Variants in IQCC observed in about 807,000 individuals in gnomAD.
IQCC encodes the protein IQ domain-containing protein C.
In IQCC, 23 loss-of-function variants were observed where a neutral mutation model predicts 27.0. The observed-to-expected ratio is 0.85, with a 90% CI of 0.61 to 1.21. The LOEUF is 1.21. Ranked by LOEUF, IQCC falls within the 50% of genes most tolerant of loss-of-function variation. The pLI is 0.00. For synonymous variants in IQCC, 220 were observed against 217.2 expected, an observed-to-expected ratio of 1.01 and a Z score of -0.11; for missense variants, 552 against 562.3, an observed-to-expected ratio of 0.98 and a Z score of 0.19.
At position 32,207,756 on chromosome 1, in the gene IQCC, C is replaced by G; in HGVS notation, c.1075C>G (p.Leu359Val). 1 of 1,613,964 alleles carries G rather than the reference C, an allele frequency of 6.2e-7. No individual in the cohort carries two copies. The highest frequency in any genetic ancestry group is 2.2e-5 in the East Asian group (1 of 44,886). Reference sequence around the variant, plus strand: ...TATTAAGGAGATGTCTCCCAGAAAACTAGACCACAAAGAGCCTGACTGCCG... The same window carrying G: ...TATTAAGGAGATGTCTCCCAGAAAAGTAGACCACAAAGAGCCTGACTGCCG... Reference protein sequence around the residue: ...SNIKEMSPRKLDHKEPDCRTV... With the variant: ...SNIKEMSPRKVDHKEPDCRTV... The change falls in exon 5 of 5, where the codon CTA becomes GTA. Residue 359 changes from leucine (L) to valine (V), a missense_variant. By Grantham distance (32) the Leu-to-Val change is conservative (BLOSUM62 1). Transcript: ENST00000291358.
In IQCC at chr1:32,205,963, G is replaced by C. The variant is rs116496201; in HGVS notation, c.43-191G>C. On this transcript the variant is annotated intron_variant, in intron 1 of 4. Coordinates refer to ENST00000291358, the MANE Select transcript of IQCC (RefSeq NM_018134.3). The surrounding 1 kb of genome is among the most constrained non-coding windows in gnomAD (Gnocchi z 5.6). ...ATCAGGGAAACGGGAAGAGCCTTAA[G>C]GCGAGGAGGGGCATCCAGTCTGGCA... The C allele has an allele frequency of 3.3e-3, 5,124 of 1,554,058 alleles. 166 individuals are homozygous for C. In the African/African-American group the frequency reaches 0.062, roughly 19 times the overall value.
chr1:32,206,131 T>C (rs774223770), intron 1 of IQCC, 23 bp from the exon 2 acceptor site: 30 of 1,613,988 alleles, frequency 1.9e-5, no homozygotes, highest in African/African-American at 4.0e-5. Context: ...AAGGGACTTC[T>C]TTCCTCTCGT....
Position 32,207,132 on chromosome 1 carries a change from C to G in IQCC, c.558+12C>G. The G allele has an allele frequency of 1.3e-6, 2 of 1,599,572 alleles. No homozygotes were observed. Among genetic ancestry groups the G allele is most frequent in the Non-Finnish European group, 1.7e-6 (2 of 1,170,504 alleles). On this transcript the variant is annotated intron_variant, in intron 4 of 4. Transcript: ENST00000291358. Reference sequence around the variant, plus strand: ...ATAGCCGTAAGGAGGTAACACTAACCTGGAACTCTTTCTGAACATTTAGGG... The same window carrying G: ...ATAGCCGTAAGGAGGTAACACTAACGTGGAACTCTTTCTGAACATTTAGGG...
rs1643354802 is a variant in IQCC, at chr1:32,206,763, T to C, written c.439+2T>C. ...ACACGACAAGGATGGAGAATCCAGG[T>C]ACCTCTCTGCAAAGATCAGGGCAAG... On this transcript the variant is annotated splice_donor_variant, in intron 3 of 4. Coordinates refer to ENST00000291358, the MANE Select transcript of IQCC (RefSeq NM_018134.3). LOFTEE classifies it high-confidence loss of function. 1.2e-6 allele frequency: 2 copies of C among 1,613,766 alleles called. No individual in the cohort carries two copies. The highest frequency in any genetic ancestry group is 1.1e-5 in the South Asian group (1 of 91,052).
rs1220954983 is a variant in IQCC, at chr1:32,208,096, A to G, written c.*14A>G. The stretch of plus-strand genomic sequence containing the variant: ...CCACCTGGCTAGACCCTAGGAAGCC[A>G]GGAGAGGATCAGGTTCCAAAGGGGA... On this transcript the variant is annotated 3_prime_UTR_variant, in exon 5 of 5. Transcript: ENST00000291358. 6.3e-7 allele frequency: 1 copy of G among 1,582,740 alleles called. No homozygotes were observed.
rs1321585899 is a variant in IQCC, at chr1:32,208,217, C to T, written c.*135C>T. The T allele has an allele frequency of 2.2e-6, 2 of 912,124 alleles. No homozygotes were observed. Among genetic ancestry groups the T allele is most frequent in the Non-Finnish European group, 1.6e-6 (1 of 612,870 alleles). 56.5% of individuals were successfully genotyped at this position (912,124 alleles called of 1,614,324 possible). ...CCTGGCCATTGGTGACTAGTGGGGC[C>T]AAGAGAAGCTGGAGCAGAGAGCTGG... On this transcript the variant is annotated 3_prime_UTR_variant, in exon 5 of 5. Coordinates refer to ENST00000291358, the MANE Select transcript of IQCC (RefSeq NM_018134.3).
rs777408088 is a variant in IQCC at position 32,207,470 on chromosome 1, T to C, written c.789T>C (p.Thr263=). ...ACAGATCCCCAGGAAGTTTGGCCAC[T>C]ACACAAAAAAACATTGCTGGGGCTA... is the stretch of plus-strand genomic sequence containing the variant. ...SPHRSPGSLA[T]TQKNIAGAKC... Residue 263 remains threonine (T), a synonymous_variant, in exon 5 of 5, where the codon ACT becomes ACC. Transcript: ENST00000291358. The C allele has an allele frequency of 3.7e-6, 6 of 1,613,386 alleles. No individual in the cohort carries two copies. Among genetic ancestry groups the C allele is most frequent in the Non-Finnish European group, 5.1e-6 (6 of 1,179,790 alleles).
rs769530176 is a variant in IQCC at position 32,207,296 on chromosome 1, A to G, written c.615A>G (p.Glu205=). The G allele has an allele frequency of 6.2e-7, 1 of 1,613,486 alleles. No homozygotes were observed. Among genetic ancestry groups the G allele is most frequent in the African/African-American group, 1.3e-5 (1 of 74,834 alleles). ...RSPEAGPIRE[E]PRVFLEHGEQ... Reference sequence around the variant, plus strand: ...CAGAGGCGGGCCCGATCAGAGAGGAACCCCGCGTGTTCCTAGAACATGGGG... The same window carrying G: ...CAGAGGCGGGCCCGATCAGAGAGGAGCCCCGCGTGTTCCTAGAACATGGGG... Residue 205 remains glutamate, a synonymous_variant, in exon 5 of 5, where the codon GAA becomes GAG. Coordinates refer to ENST00000291358, the MANE Select transcript of IQCC (RefSeq NM_018134.3).
chr1:32,207,835 G>C lies in IQCC; in HGVS notation c.1154G>C (p.Gly385Ala). ...TCAGAGGACCACATCATCTGGGATG[G>C]TACCTTGGGGGGGCCAGAGCATAGT... is the stretch of plus-strand genomic sequence containing the variant. ...GLSEDHIIWDGTLGGPEHSVL... is the reference protein window; with the variant it reads ...GLSEDHIIWDATLGGPEHSVL... Residue 385 changes from glycine to alanine, a missense_variant, in exon 5 of 5, where the codon GGT becomes GCT. Physicochemically the swap from Gly to Ala is moderately conservative, Grantham distance 60. Coordinates refer to ENST00000291358, the MANE Select transcript of IQCC (RefSeq NM_018134.3). 6.2e-7 allele frequency: 1 copy of C among 1,614,106 alleles called. No homozygotes were observed. Among genetic ancestry groups the C allele is most frequent in the South Asian group, 1.1e-5 (1 of 91,080 alleles).
Position 32,206,673 on chromosome 1 carries a change from C to T in IQCC, c.351C>T (p.Cys117=). 1 of 1,614,182 alleles carries T rather than the reference C, an allele frequency of 6.2e-7. No individual in the cohort carries two copies. The highest frequency in any genetic ancestry group is 8.5e-7 in the Non-Finnish European group (1 of 1,180,018). ...GESSANQGSL[C]RDHSSWLQMK... Reference sequence around the variant, plus strand: ...GCTCAGCAAATCAAGGAAGCCTCTGCAGAGATCACAGCTCCTGGCTTCAGA... The same window carrying T: ...GCTCAGCAAATCAAGGAAGCCTCTGTAGAGATCACAGCTCCTGGCTTCAGA... The change falls in exon 3 of 5, where the codon TGC becomes TGT. Residue 117 remains cysteine, a synonymous_variant. Transcript: ENST00000291358.
At position 32,207,546 on chromosome 1, in the gene IQCC, TCAAA is replaced by T. The variant is rs1643402910; in HGVS notation, c.868_871del (p.Asn290AlafsTer27). The T allele has an allele frequency of 6.2e-7, 1 of 1,611,628 alleles. No homozygotes were observed. Among genetic ancestry groups the T allele is most frequent in the Admixed American group, 1.7e-5 (1 of 59,786 alleles). On this transcript the variant is annotated frameshift_variant, in exon 5 of 5. Transcript: ENST00000291358. LOFTEE classifies it low-confidence loss of function (END_TRUNC). Reference sequence around the variant, plus strand: ...GTCTGGACCACCGTCGTCTATACCATCAAACAGCCAGGCCTTGGGGGACAGGCTC... The same window carrying T: ...GTCTGGACCACCGTCGTCTATACCATCAGCCAGGCCTTGGGGGACAGGCTC...
At position 32,205,813 on chromosome 1, in the gene IQCC, G is replaced by A; in HGVS notation, c.42+90G>A. 3 of 1,574,624 alleles carry A rather than the reference G, an allele frequency of 1.9e-6. No homozygotes were observed. The highest frequency in any genetic ancestry group is 2.6e-6 in the Non-Finnish European group (3 of 1,160,448). Reference sequence around the variant, plus strand: ...GGACCTCCCAGCGAGATGCTACCACGTTCAGTCCCCTAACTGCGCGCCAAC... The same window carrying A: ...GGACCTCCCAGCGAGATGCTACCACATTCAGTCCCCTAACTGCGCGCCAAC... On this transcript the variant is annotated intron_variant, in intron 1 of 4. Coordinates refer to ENST00000291358, the MANE Select transcript of IQCC (RefSeq NM_018134.3). This position sits in a 1 kb window ranked among gnomAD's most constrained non-coding sequence, Gnocchi z 5.6.
Position 32,205,681 on chromosome 1 carries a change from C to T in IQCC, c.-1C>T. 2 of 1,598,454 alleles carry T rather than the reference C, an allele frequency of 1.3e-6. No homozygotes were observed. Among genetic ancestry groups the T allele is most frequent in the Non-Finnish European group, 1.7e-6 (2 of 1,171,432 alleles). On this transcript the variant is annotated 5_prime_UTR_variant, in exon 1 of 5. Transcript: ENST00000291358. The surrounding 1 kb of genome is among the most constrained non-coding windows in gnomAD (Gnocchi z 5.6). ...GCGGGCGGGCCTGGCAGTTGGCGCCCATGGAGCCAGAGCTGCTGGTTCGGA... is the reference window on the plus strand; with the variant it reads ...GCGGGCGGGCCTGGCAGTTGGCGCCTATGGAGCCAGAGCTGCTGGTTCGGA...
rs201106711 is a variant in IQCC at position 32,207,564 on chromosome 1, G to C, written c.883G>C (p.Gly295Arg). ...SSIPSNSQAL[G>R]DRLTKGPDDG... ...TATACCATCAAACAGCCAGGCCTTGGGGGACAGGCTCACCAAAGGGCCAGA... is the reference window on the plus strand; with the variant it reads ...TATACCATCAAACAGCCAGGCCTTGCGGGACAGGCTCACCAAAGGGCCAGA... The change falls in exon 5 of 5, where the codon GGG becomes CGG. Residue 295 changes from glycine (G) to arginine (R), a missense_variant. By Grantham distance (125) the Gly-to-Arg change is moderately radical. Transcript: ENST00000291358. The C allele has an allele frequency of 3.8e-5, 62 of 1,612,518 alleles. 2 individuals carry two copies. In the South Asian group the frequency reaches 6.5e-4, roughly 17 times the overall value.
Position 32,205,937 on chromosome 1 carries a change from G to A in IQCC, c.42+214G>A, listed in dbSNP as rs1292045528. 2.6e-6 allele frequency: 4 copies of A among 1,551,824 alleles called. No individual in the cohort carries two copies. The African/African-American group carries it at 4.1e-5, about 16-fold the overall frequency. On this transcript the variant is annotated intron_variant, in intron 1 of 4. Transcript: ENST00000291358. This position sits in a 1 kb window ranked among gnomAD's most constrained non-coding sequence, Gnocchi z 5.6. The stretch of plus-strand genomic sequence containing the variant: ...CCACTCCCACCACACGCTCGCGCCG[G>A]ATCAGGGAAACGGGAAGAGCCTTAA...
Position 32,207,386 on chromosome 1 carries a change from C to G in IQCC, c.705C>G (p.Asp235Glu). 1 of 1,613,994 alleles carries G rather than the reference C, an allele frequency of 6.2e-7. No individual in the cohort carries two copies. Among genetic ancestry groups the G allele is most frequent in the Non-Finnish European group, 8.5e-7 (1 of 1,179,986 alleles). Residue 235 changes from aspartate to glutamate, a missense_variant, in exon 5 of 5, where the codon GAC becomes GAG. Asp to Glu is a conservative substitution (Grantham distance 45). Coordinates refer to ENST00000291358, the MANE Select transcript of IQCC (RefSeq NM_018134.3). ...SAPLEDQSYR[D>E]RTTGELEQED... Reference sequence around the variant, plus strand: ...CACTGGAGGACCAGTCCTACAGAGACAGGACCACTGGAGAGCTAGAACAGG... The same window carrying G: ...CACTGGAGGACCAGTCCTACAGAGAGAGGACCACTGGAGAGCTAGAACAGG...
Position 32,205,912 on chromosome 1 carries a change from C to G in IQCC, c.42+189C>G, listed in dbSNP as rs1287246012. 6.4e-7 allele frequency: 1 copy of G among 1,551,316 alleles called. No homozygotes were observed. The highest frequency in any genetic ancestry group is 8.7e-7 in the Non-Finnish European group (1 of 1,147,196). Reference sequence around the variant, plus strand: ...CACGGACTCCCTGCCCTGCGCGTCCCCACTCCCACCACACGCTCGCGCCGG... The same window carrying G: ...CACGGACTCCCTGCCCTGCGCGTCCGCACTCCCACCACACGCTCGCGCCGG... On this transcript the variant is annotated intron_variant, in intron 1 of 4. Transcript: ENST00000291358. The surrounding 1 kb of genome is among the most constrained non-coding windows in gnomAD (Gnocchi z 5.6).
chr1:32,206,800 C>A lies in IQCC; in HGVS notation c.439+39C>A, dbSNP rs1557522926. On this transcript the variant is annotated intron_variant, in intron 3 of 4. Coordinates refer to ENST00000291358, the MANE Select transcript of IQCC (RefSeq NM_018134.3). Reference sequence around the variant, plus strand: ...AAGATCAGGGCAAGCCCCTGACCCTCACTGTGCCTCAGCCTCCCATCTGAA... The same window carrying A: ...AAGATCAGGGCAAGCCCCTGACCCTAACTGTGCCTCAGCCTCCCATCTGAA... 1.9e-6 allele frequency: 3 copies of A among 1,602,402 alleles called. No homozygotes were observed. The Admixed American group carries it at 5.1e-5, about 27-fold the overall frequency.
rs1161317515 is a variant in IQCC at position 32,207,427 on chromosome 1, A to C, written c.746A>C (p.His249Pro). ...GELEQEDDSC[H>P]RVKSPHRSPG... ...CTAGAACAGGAGGATGACTCCTGTC[A>C]CAGGGTCAAATCACCCCACAGATCC... is the stretch of plus-strand genomic sequence containing the variant. Residue 249 changes from histidine to proline, a missense_variant, in exon 5 of 5, where the codon CAC (histidine) becomes CCC (proline). By Grantham distance (77) the His-to-Pro change is moderately conservative. Transcript: ENST00000291358. 4.3e-6 allele frequency: 7 copies of C among 1,613,786 alleles called. No individual in the cohort carries two copies. The highest frequency in any genetic ancestry group is 5.9e-6 in the Non-Finnish European group (7 of 1,179,954).
Sources: allele counts gnomAD v4.1 joint callset, GRCh38; gene constraint gnomAD v4.1.1; non-coding constraint Gnocchi (gnomAD v3.1); transcripts MANE v1.5; gene names NCBI Gene and HGNC (gene_info 2026-07-23, HGNC 2026-07-21).